Variants in RHOU observed in about 807,000 individuals in gnomAD.
The protein encoded by RHOU is ras homolog family member U.
RHOU carries 8 observed loss-of-function variants against 12.6 expected under a neutral mutation model. That is an observed-to-expected ratio of 0.64 (90% CI 0.37 to 1.15). The LOEUF (loss-of-function observed/expected upper bound fraction) is 1.15, where lower values mean the gene tolerates loss of function less well. Ranked by LOEUF, RHOU falls within the 50% of genes most tolerant of loss-of-function variation. The pLI, the probability that RHOU is intolerant of heterozygous loss-of-function variation, is 0.01. For synonymous variants in RHOU, 161 were observed against 147.4 expected (o/e 1.09, Z -0.67); for missense variants, 258 against 347.0 (o/e 0.74, Z 2.04).
At chr1:228,720,738 C>A in the RHOU span, among the ~76,000 whole-genome samples, 2 of 152,316 alleles carry the variant, frequency 1.3e-5, no homozygotes, top group Middle Eastern at 3.4e-3. Flanking sequence ...TACTGTGGCC[C>A]TAGCAAACTA....
At chr1:228,710,437 C>T in the RHOU span, among the ~76,000 whole-genome samples, 1 of 152,056 alleles carries the variant, frequency 6.6e-6, no homozygotes, top group Non-Finnish European at 1.5e-5. Flanking sequence ...CTGAATCCAG[C>T]AGCACATCAA....
At chr1:228,713,978 A>G in the RHOU span, among the ~76,000 whole-genome samples, 3 of 152,136 alleles carry the variant, frequency 2.0e-5, no homozygotes, top group African/African-American at 7.2e-5. Context: ...GTAGTATGAG[A>G]GTGGAGGAAG....
Position 228,737,556 on chromosome 1 carries a change from AC to A in RHOU, c.263-115del. 3 of 986,060 alleles carry A rather than the reference AC, an allele frequency of 3.0e-6. No homozygotes were observed. The highest frequency in any genetic ancestry group is 2.7e-5 in the South Asian group (2 of 73,384). 61.1% of individuals were successfully genotyped at this position (986,060 alleles called of 1,614,324 possible). A position where few individuals can be genotyped will look rare whatever the true frequency, so the allele number is the denominator to read the frequency against. On this transcript the variant is annotated intron_variant, in intron 1 of 2. Transcript: ENST00000366691. This position sits in a 1 kb window ranked among gnomAD's most constrained non-coding sequence, Gnocchi z 4.1. ...TGGCTAGTCTTTAATTCATTAGAGG[AC>A]CTAAAATAGGAGCAAAGGGGTTTGG...
At chr1:228,727,711 G>C in the RHOU span, among the ~76,000 whole-genome samples, 1 of 152,198 alleles carries the variant, frequency 6.6e-6, no homozygotes. Context: ...GGAAGAGCTA[G>C]AAAAGGGAGA....
At chr1:228,655,515 A>T in the RHOU span, among the ~76,000 whole-genome samples, 3 of 152,224 alleles carry the variant, frequency 2.0e-5, no homozygotes, top group Non-Finnish European at 4.4e-5. Context: ...GGATGATAGC[A>T]AAGGCCTATG....
At chr1:228,736,150 G>A in intron 1 of RHOU, 146 bp downstream of exon 1, 2 of 767,788 alleles carry the variant, frequency 2.6e-6, no homozygotes, top group Non-Finnish European at 3.9e-6. Flanking sequence ...AATGAGGAGT[G>A]CAGGACGTTT....
chr1:228,679,841 A>C, the RHOU span, among the ~76,000 whole-genome samples: 1 of 151,840 alleles, frequency 6.6e-6, no homozygotes, highest in Non-Finnish European at 1.5e-5. Flanking sequence ...AGAGGATGTG[A>C]AGGAGGCTTT....
At chr1:228,691,617 T>C in the RHOU span, among the ~76,000 whole-genome samples, 1 of 152,240 alleles carries the variant, frequency 6.6e-6, no homozygotes, top group Non-Finnish European at 1.5e-5. Flanking sequence ...ATATTCAGGA[T>C]GTACCACAGT....
At chr1:228,687,307 T>C in the RHOU span, 4 of 663,432 alleles carry the variant, frequency 6.0e-6, no homozygotes, top group East Asian at 2.7e-5. Context: ...TCTTTTTTTT[T>C]TGGTTACCAA....
the RHOU span, among the ~76,000 whole-genome samples, chr1:228,652,202 G>A: frequency 6.6e-6 from 1 of 152,196 alleles, no homozygotes; most frequent in Non-Finnish European, 1.5e-5. Flanking sequence ...GGAGGAAAAG[G>A]GTACTTGCTG....
At chr1:228,731,792 G>A (rs1662502383), upstream of RHOU, among the ~76,000 whole-genome samples, 1 of 151,724 alleles carries the variant, frequency 6.6e-6, no homozygotes, top group South Asian at 2.1e-4. Flanking sequence ...GTAGGTAGGG[G>A]GGATGAATGC....
intron 2 of RHOU, among the ~76,000 whole-genome samples, chr1:228,739,863 A>T (rs1256303535): frequency 1.3e-5 from 2 of 152,236 alleles, no homozygotes; most frequent in African/African-American, 4.8e-5. Context: ...AGCAGGGCTT[A>T]ATCTCGTGGT....
chr1:228,666,488 A>G, the RHOU span, among the ~76,000 whole-genome samples: 14 of 152,286 alleles, frequency 9.2e-5, no homozygotes, highest in African/African-American at 3.4e-4. Flanking sequence ...ATTGTTAACT[A>G]TAGTCATCCT....
upstream of RHOU, among the ~76,000 whole-genome samples, chr1:228,731,529 A>G (rs1662496171): frequency 6.6e-6 from 1 of 152,248 alleles, no homozygotes; most frequent in South Asian, 2.1e-4. Context: ...AAGCAAAGCC[A>G]AGTTTTGTCG....
the RHOU span, among the ~76,000 whole-genome samples, chr1:228,664,194 GT>G: frequency 2.0e-5 from 3 of 150,130 alleles, no homozygotes; most frequent in East Asian, 6.0e-4. Context: ...ATTTTTTGTA[GT>G]TTTTGTAGAG....
At chr1:228,703,019 G>A in the RHOU span, among the ~76,000 whole-genome samples, 1 of 152,150 alleles carries the variant, frequency 6.6e-6, no homozygotes, top group East Asian at 1.9e-4. Context: ...GAGATTTTAG[G>A]CCTAAATATT....
chr1:228,712,016 T>C, the RHOU span, among the ~76,000 whole-genome samples: 21 of 142,280 alleles, frequency 1.5e-4, no homozygotes, highest in South Asian at 5.0e-3. Flanking sequence ...AACAGACACT[T>C]CTCAAAAGAA....
chr1:228,679,610 A>G, the RHOU span, among the ~76,000 whole-genome samples: 1 of 152,034 alleles, frequency 6.6e-6, no homozygotes, highest in Admixed American at 6.6e-5. Context: ...CAGTTTTTGG[A>G]CAGGTAAAAT....
the RHOU span, among the ~76,000 whole-genome samples, chr1:228,701,141 G>T: frequency 6.6e-6 from 1 of 152,148 alleles, no homozygotes; most frequent in South Asian, 2.1e-4. Flanking sequence ...TTTGGATGCT[G>T]TATGGGCCCT....
Sources: gnomAD v4.1 joint callset for allele counts (sites outside exome capture counted in the v4.1 genomes callset) on GRCh38, gnomAD v4.1.1 for gene constraint, Gnocchi (gnomAD v3.1) non-coding constraint, MANE v1.5 for transcripts, NCBI Gene and HGNC (gene_info 2026-07-23, HGNC 2026-07-21) for gene names.